The following IGF1R variants were observed in gnomAD, a reference collection of about 807,000 sequenced individuals.
IGF1R encodes the protein insulin-like growth factor 1 receptor.
A neutral mutation model predicts 144.6 loss-of-function variants in IGF1R; 44 were observed. That is an observed-to-expected ratio of 0.30 (90% CI 0.24 to 0.39). The LOEUF (loss-of-function observed/expected upper bound fraction) is 0.39, where lower values mean the gene tolerates loss of function less well. Among genes scored for constraint, IGF1R ranks in the 10% least tolerant of loss-of-function variants. IGF1R has a pLI of 1.00. For synonymous variants in IGF1R, 795 were observed against 722.8 expected, an observed-to-expected ratio of 1.10 and a Z score of -1.60; for missense variants, 1,355 against 1,833.7, an observed-to-expected ratio of 0.74 and a Z score of 4.77.
chr15:98,833,075 C>G (rs776833432), intron 2 of IGF1R, among the ~76,000 whole-genome samples: 2 of 152,162 alleles, frequency 1.3e-5, no homozygotes, highest in Non-Finnish European at 1.5e-5. Flanking sequence ...AGACTTAAAA[C>G]TGTGAAGAAG....
chr15:98,853,922 A>C (rs746951581), intron 2 of IGF1R, among the ~76,000 whole-genome samples: 1 of 152,154 alleles, frequency 6.6e-6, no homozygotes, highest in Non-Finnish European at 1.5e-5. Context: ...TCCCAGGAAA[A>C]GTCCTGCCTC....
chr15:98,768,513 G>A (rs891768211), intron 2 of IGF1R, among the ~76,000 whole-genome samples: 1 of 151,534 alleles, frequency 6.6e-6, no homozygotes, highest in Non-Finnish European at 1.5e-5. Context: ...TACTTGGGAG[G>A]CTGAGGCAGG....
At chr15:98,756,107 C>CT (rs1274150505) in intron 2 of IGF1R, among the ~76,000 whole-genome samples, 1 of 152,054 alleles carries the variant, frequency 6.6e-6, no homozygotes, top group Non-Finnish European at 1.5e-5. Context: ...CTACAAAGCC[C>CT]TACAGATAGG....
At position 98,942,710 on chromosome 15, in the gene IGF1R, G is replaced by T. The variant is rs2016411163; in HGVS notation, c.3458-213G>T. Among the ~76,000 whole-genome samples, 3 of 152,180 alleles carry T rather than the reference G, an allele frequency of 2.0e-5. No homozygotes were observed. The South Asian group carries it at 6.2e-4, about 32-fold the overall frequency. On this transcript the variant is annotated intron_variant, in intron 18 of 20. Transcript: ENST00000650285. The stretch of plus-strand genomic sequence containing the variant: ...TCAAATTGTAAATATATTAAAAGTG[G>T]AGATTGCTTGGTATTTGCTCATCAT...
At chr15:98,792,418 A>G (rs777640240) in intron 2 of IGF1R, among the ~76,000 whole-genome samples, 5 of 152,234 alleles carry the variant, frequency 3.3e-5, no homozygotes, top group Non-Finnish European at 7.3e-5. Flanking sequence ...ATCTTTGCAA[A>G]TGAAGACAAA....
intron 1 of IGF1R, among the ~76,000 whole-genome samples, chr15:98,693,309 G>A (rs1380240080): frequency 6.6e-6 from 1 of 152,204 alleles, no homozygotes; most frequent in African/African-American, 2.4e-5. Flanking sequence ...TTTCCATGTA[G>A]AGGGGCAAGA....
Position 98,959,162 on chromosome 15 carries a change from C to T in IGF1R, c.*1720C>T, listed in dbSNP as rs1319106856. 2.1e-5 allele frequency: 5 copies of T among 233,418 alleles called. No homozygotes were observed. Among genetic ancestry groups the T allele is most frequent in the Non-Finnish European group, 4.2e-5 (5 of 118,056 alleles). The allele number at this position is 233,418 out of a possible 1,614,324, so 14.5% of individuals were successfully genotyped here. ...CCGTGGTTGAGAAGCCTCACCCTCT[C>T]TTTCCCTTGCCTTTGCTTAGGTTGT... is the stretch of plus-strand genomic sequence containing the variant. On this transcript the variant is annotated 3_prime_UTR_variant, in exon 21 of 21. Transcript: ENST00000650285.
intron 2 of IGF1R, among the ~76,000 whole-genome samples, chr15:98,746,820 A>G (rs993917931): frequency 6.6e-6 from 1 of 152,200 alleles, no homozygotes; most frequent in East Asian, 1.9e-4. Flanking sequence ...TCAAAGGGCT[A>G]AATGGGTGTG....
intron 1 of IGF1R, among the ~76,000 whole-genome samples, chr15:98,665,234 A>G (rs530124971): frequency 6.6e-6 from 1 of 152,264 alleles, no homozygotes; most frequent in East Asian, 1.9e-4. Flanking sequence ...TAAAGGCGTG[A>G]GCCACCGCGC....
intron 2 of IGF1R, among the ~76,000 whole-genome samples, chr15:98,867,240 G>A (rs949813506): frequency 1.4e-4 from 22 of 152,090 alleles, no homozygotes; most frequent in African/African-American, 3.9e-4. Flanking sequence ...TCAACTTTGC[G>A]CAGCAACAAA....
Position 98,762,228 on chromosome 15 carries a change from CTTTTCTTTTCT to C in IGF1R, c.640+54126_640+54136del, listed in dbSNP as rs1234693774. ...TGTTATATCATTTGATTTTTCTTTT[CTTTTCTTTTCT>C]TTTTTTTTTTTTTTTTGAGATGGAG... is the stretch of plus-strand genomic sequence containing the variant. On this transcript the variant is annotated intron_variant, in intron 2 of 20. Coordinates refer to ENST00000650285, the MANE Select transcript of IGF1R (RefSeq NM_000875.5). Among the ~76,000 whole-genome samples, 5 of 107,996 alleles carry C rather than the reference CTTTTCTTTTCT, an allele frequency of 4.6e-5. No individual in the cohort carries two copies. In the South Asian group the frequency reaches 1.4e-3, roughly 30 times the overall value. The allele number at this position is 107,996 out of a possible 152,430, so 70.8% of individuals were successfully genotyped here. A position where few individuals can be genotyped will look rare whatever the true frequency, so the allele number is the denominator to read the frequency against.
At chr15:98,789,770 T>A (rs575776645) in intron 2 of IGF1R, among the ~76,000 whole-genome samples, 1 of 152,182 alleles carries the variant, frequency 6.6e-6, no homozygotes, top group South Asian at 2.1e-4. Context: ...ACAGTGGAGG[T>A]GAACCCAGGG....
At chr15:98,915,907 T>C (rs982243454) in intron 8 of IGF1R, 57 bp from the exon 9 acceptor site, 1 of 1,548,252 alleles carries the variant, frequency 6.5e-7, no homozygotes, top group Admixed American at 1.7e-5. Flanking sequence ...GAGTATCTGA[T>C]AGCCTGACTC....
intron 5 of IGF1R, among the ~76,000 whole-genome samples, chr15:98,902,274 T>C (rs2014518722): frequency 6.6e-6 from 1 of 152,098 alleles, no homozygotes; most frequent in Admixed American, 6.5e-5. Flanking sequence ...AAACCACTGC[T>C]TTATCCCTTC....
intron 19 of IGF1R, 21 bp from the exon 20 acceptor site, chr15:98,948,551 TCA>T (rs1207124286): frequency 1.7e-5 from 28 of 1,613,038 alleles, no homozygotes; most frequent in African/African-American, 5.3e-5. Context: ...TCCAAGCTCC[TCA>T]CAGTTTTTTT....
At chr15:98,783,957 AATTTT>A (rs1309243060) in intron 2 of IGF1R, among the ~76,000 whole-genome samples, 1 of 129,068 alleles carries the variant, frequency 7.7e-6, no homozygotes, top group Non-Finnish European at 1.6e-5. Context: ...TGGCATCTGA[AATTTT>A]TTTTTTTTTT....
Position 98,688,414 on chromosome 15 carries a change from C to CTGTGTG in IGF1R, c.95-19115_95-19110dup, listed in dbSNP as rs10528336. 5.5e-3 allele frequency among the ~76,000 whole-genome samples: 790 copies of CTGTGTG among 143,592 alleles called. 8 individuals carry two copies. The highest frequency in any genetic ancestry group is 0.013 in the South Asian group (55 of 4,250). 94.2% of individuals were successfully genotyped at this position (143,592 alleles called of 152,430 possible). On this transcript the variant is annotated intron_variant, in intron 1 of 20. Transcript: ENST00000650285. ...CTTCGACTCACCACACAACACACAC[C>CTGTGTG]TGTGTGTGTGTGTGTGTGTGTGTGT...
intron 5 of IGF1R, among the ~76,000 whole-genome samples, chr15:98,900,170 G>T (rs772748809): frequency 6.6e-6 from 1 of 152,168 alleles, no homozygotes; most frequent in Non-Finnish European, 1.5e-5. Flanking sequence ...TTTTGCCTTG[G>T]CACAGGCCTG....
intron 1 of IGF1R, among the ~76,000 whole-genome samples, chr15:98,654,944 T>C (rs1383648859): frequency 1.3e-5 from 2 of 152,176 alleles, no homozygotes; most frequent in Non-Finnish European, 2.9e-5. Flanking sequence ...TTCCAGTTAT[T>C]TGTAAAGATG....
Sources: allele counts gnomAD v4.1 joint callset (sites outside exome capture counted in the v4.1 genomes callset), GRCh38; gene constraint gnomAD v4.1.1; transcripts MANE v1.5; gene names NCBI Gene and HGNC (gene_info 2026-07-23, HGNC 2026-07-21).